The following SLC36A1 variants were observed in gnomAD, a reference collection of about 807,000 sequenced individuals.
The protein encoded by SLC36A1 is solute carrier family 36 member 1, also known as proton-coupled amino acid transporter 1.
In SLC36A1, 30 loss-of-function variants were observed where a neutral mutation model predicts 47.5. The observed-to-expected ratio is 0.63, with a 90% CI of 0.47 to 0.86. The LOEUF is 0.86. SLC36A1 is among the 40% of genes least tolerant of loss of function. The pLI, the probability that SLC36A1 is intolerant of heterozygous loss-of-function variation, is 0.00. For synonymous variants in SLC36A1, 255 were observed against 249.7 expected (o/e 1.02, Z -0.20); for missense variants, 517 against 606.0 (o/e 0.85, Z 1.54).
At chr5:151,407,142 G>C in the SLC36A1 span, among the ~76,000 whole-genome samples, 1 of 152,186 alleles carries the variant, frequency 6.6e-6, no homozygotes, top group African/African-American at 2.4e-5. Context: ...TGGCCCCAAA[G>C]AGTGAGCAGC....
chr5:151,404,518 A>T, the SLC36A1 span, among the ~76,000 whole-genome samples: 2 of 152,154 alleles, frequency 1.3e-5, no homozygotes, highest in Non-Finnish European at 2.9e-5. Flanking sequence ...TGGGCGATGT[A>T]GTTAAGTGTG....
At chr5:151,415,348 C>T in the SLC36A1 span, among the ~76,000 whole-genome samples, 2 of 152,088 alleles carry the variant, frequency 1.3e-5, no homozygotes, top group African/African-American at 2.4e-5. Flanking sequence ...CTGAGTGGTT[C>T]GACTCCTGCT....
chr5:151,374,894 G>A, the SLC36A1 span, among the ~76,000 whole-genome samples: 1 of 142,584 alleles, frequency 7.0e-6, no homozygotes, highest in Non-Finnish European at 1.5e-5. Flanking sequence ...TTCTAATGGA[G>A]TTATTAATGT....
the SLC36A1 span, chr5:151,545,623 G>A: frequency 6.2e-7 from 1 of 1,614,164 alleles, no homozygotes; most frequent in Admixed American, 1.7e-5. Flanking sequence ...GAATTGGAAA[G>A]AGGGCATGCT....
the SLC36A1 span, among the ~76,000 whole-genome samples, chr5:151,361,671 T>A: frequency 6.6e-6 from 1 of 152,228 alleles, no homozygotes; most frequent in African/African-American, 2.4e-5. Context: ...CTTTTATCAG[T>A]AGGTTTTATA....
chr5:151,521,305 T>C, the SLC36A1 span: 1 of 1,611,644 alleles, frequency 6.2e-7, no homozygotes, highest in Non-Finnish European at 8.5e-7. Flanking sequence ...CTGCAGGTGG[T>C]GCCGCGGGGT....
upstream of SLC36A1, among the ~76,000 whole-genome samples, chr5:151,433,707 G>A (rs539867438): frequency 2.5e-4 from 38 of 152,218 alleles, no homozygotes; most frequent in African/African-American, 8.9e-4. Flanking sequence ...AGACCTGAGT[G>A]GAATGCAGCT....
downstream of SLC36A1, among the ~76,000 whole-genome samples, chr5:151,493,013 T>C (rs1430699726): frequency 6.6e-6 from 1 of 151,622 alleles, no homozygotes; most frequent in Non-Finnish European, 1.5e-5. Flanking sequence ...TGTTCACATA[T>C]GTGTGTGTGT....
At chr5:151,494,278 A>G (rs1760278199), downstream of SLC36A1, among the ~76,000 whole-genome samples, 1 of 152,110 alleles carries the variant, frequency 6.6e-6, no homozygotes, top group Admixed American at 6.5e-5. Flanking sequence ...ACCCTTGGCC[A>G]TTGGTCTCCT....
chr5:151,453,031 G>A (rs561492628), intron 1 of SLC36A1, among the ~76,000 whole-genome samples: 44 of 151,352 alleles, frequency 2.9e-4, no homozygotes, highest in African/African-American at 9.7e-4. Context: ...ATGAAACCCC[G>A]TCTCTACTAA....
At chr5:151,375,704 T>TTCACC in the SLC36A1 span, among the ~76,000 whole-genome samples, 1 of 152,190 alleles carries the variant, frequency 6.6e-6, no homozygotes, top group East Asian at 1.9e-4. Flanking sequence ...GTAGAGATCT[T>TTCACC]TCACCTCCTT....
At chr5:151,539,538 AT>A in the SLC36A1 span, among the ~76,000 whole-genome samples, 1 of 152,170 alleles carries the variant, frequency 6.6e-6, no homozygotes. Flanking sequence ...AGGGTTGTAG[AT>A]GATCCTTTGT....
the SLC36A1 span, chr5:151,531,901 G>A: frequency 4.2e-5 from 68 of 1,614,218 alleles, no homozygotes; most frequent in African/African-American, 5.2e-4. This position sits in a 1 kb window ranked among gnomAD's most constrained non-coding sequence, Gnocchi z 5.7. Flanking sequence ...GATCACCCCC[G>A]TGGTGGCGTC....
In SLC36A1 at chr5:151,489,341, G is replaced by T. The variant is rs2127552586; in HGVS notation, c.*1087G>T. 1 of 152,790 alleles carries T rather than the reference G, an allele frequency of 6.5e-6. No individual in the cohort carries two copies. The highest frequency in any genetic ancestry group is 1.9e-4 in the East Asian group (1 of 5,192). The allele number at this position is 152,790 out of a possible 1,614,324, so 9.5% of individuals were successfully genotyped here. Reference sequence around the variant, plus strand: ...CACGCCAGGTGAAAGGATCAGCAATGCTCTGTTGCCATCGTGCTGGGACGA... The same window carrying T: ...CACGCCAGGTGAAAGGATCAGCAATTCTCTGTTGCCATCGTGCTGGGACGA... On this transcript the variant is annotated 3_prime_UTR_variant, in exon 11 of 11. Coordinates refer to ENST00000243389, the MANE Select transcript of SLC36A1 (RefSeq NM_078483.4). This position sits in a 1 kb window ranked among gnomAD's most constrained non-coding sequence, Gnocchi z 4.5.
chr5:151,531,626 C>T, the SLC36A1 span: 2 of 1,613,318 alleles, frequency 1.2e-6, no homozygotes, highest in Non-Finnish European at 1.7e-6. The surrounding 1 kb of genome is among the most constrained non-coding windows in gnomAD (Gnocchi z 5.7). Flanking sequence ...TGCTCGTTCC[C>T]GCTGACCACG....
chr5:151,367,880 CCTT>C, the SLC36A1 span, among the ~76,000 whole-genome samples: 25 of 152,218 alleles, frequency 1.6e-4, no homozygotes, highest in African/African-American at 6.0e-4. Flanking sequence ...AGGGGAATCT[CCTT>C]GTCTTGCTAA....
intron 10 of SLC36A1, among the ~76,000 whole-genome samples, chr5:151,482,551 C>T (rs2127538643): frequency 6.6e-6 from 1 of 152,314 alleles, no homozygotes; most frequent in South Asian, 2.1e-4. Context: ...TCTTAATCCT[C>T]ATGGGTGCCT....
At chr5:151,529,064 C>T in the SLC36A1 span, 4 of 846,464 alleles carry the variant, frequency 4.7e-6, no homozygotes, top group East Asian at 2.6e-5. Context: ...GTCAAGTCTA[C>T]AGTGTATTAA....
chr5:151,467,164 A>G (rs1756523897), intron 5 of SLC36A1, 35 bp from the exon 6 acceptor site: 1 of 1,496,954 alleles, frequency 6.7e-7, no homozygotes, highest in Non-Finnish European at 9.2e-7. Context: ...TTTGTATTGT[A>G]ACAGTCTTTG....
Sources: gnomAD v4.1 joint callset for allele counts (sites outside exome capture counted in the v4.1 genomes callset) on GRCh38, gnomAD v4.1.1 for gene constraint, Gnocchi (gnomAD v3.1) non-coding constraint, MANE v1.5 for transcripts, NCBI Gene and HGNC (gene_info 2026-07-23, HGNC 2026-07-21) for gene names.